The following HTR1F variants were observed in gnomAD, a reference collection of about 807,000 sequenced individuals.
The protein encoded by HTR1F is 5-hydroxytryptamine receptor 1F.
In HTR1F, 17 loss-of-function variants were observed where a neutral mutation model predicts 24.0. The ratio of observed to expected loss-of-function variants is 0.71; its 90% CI spans 0.48 to 1.06. The LOEUF (loss-of-function observed/expected upper bound fraction) is 1.06. Ranked by LOEUF, HTR1F falls within the 50% of genes least tolerant of loss-of-function variation. HTR1F has a pLI of 0.00. For missense variants in HTR1F, 391 were observed against 427.8 expected, an observed-to-expected ratio of 0.91 and a Z score of 0.76; for synonymous variants, 186 against 156.8, an observed-to-expected ratio of 1.19 and a Z score of -1.39.
chr3:87,988,296 G>T (rs755090597), intron 2 of HTR1F, among the ~76,000 whole-genome samples: 8 of 146,904 alleles, frequency 5.4e-5, no homozygotes, highest in African/African-American at 2.0e-4. Context: ...TTTATAACTG[G>T]CTAAATGTTG....
At chr3:87,935,553 A>G (rs550720071) in intron 2 of HTR1F, among the ~76,000 whole-genome samples, 1 of 152,334 alleles carries the variant, frequency 6.6e-6, no homozygotes, top group Non-Finnish European at 1.5e-5. Context: ...CACTCAGCTG[A>G]AAGACCTACC....
chr3:87,947,759 G>A (rs1239331956), intron 2 of HTR1F, among the ~76,000 whole-genome samples: 1 of 149,458 alleles, frequency 6.7e-6, no homozygotes, highest in East Asian at 2.0e-4. Flanking sequence ...TTGACACAAA[G>A]TAACTGCTCA....
At chr3:87,816,354 A>C (rs1350544899) in intron 1 of HTR1F, among the ~76,000 whole-genome samples, 4 of 151,854 alleles carry the variant, frequency 2.6e-5, no homozygotes, top group Non-Finnish European at 4.4e-5. Flanking sequence ...GTTTTATAGG[A>C]TTTGTTAGTT....
chr3:87,815,612 A>G (rs1704236112), intron 1 of HTR1F, among the ~76,000 whole-genome samples: 1 of 152,146 alleles, frequency 6.6e-6, no homozygotes, highest in Non-Finnish European at 1.5e-5. Context: ...CTAAGGTTAT[A>G]CAATTTATCA....
intron 2 of HTR1F, among the ~76,000 whole-genome samples, chr3:87,850,988 A>G (rs1460486581): frequency 6.6e-6 from 1 of 151,670 alleles, no homozygotes; most frequent in African/African-American, 2.4e-5. Flanking sequence ...AATTGTTATT[A>G]TTTGGTTGTT....
At chr3:87,918,845 A>G (rs925582239) in intron 2 of HTR1F, among the ~76,000 whole-genome samples, 6 of 152,022 alleles carry the variant, frequency 3.9e-5, no homozygotes, top group African/African-American at 1.4e-4. Flanking sequence ...GAATACCACC[A>G]TCATTCTTCA....
At chr3:87,826,594 C>A in intron 2 of HTR1F, among the ~76,000 whole-genome samples, 1 of 152,276 alleles carries the variant, frequency 6.6e-6, no homozygotes, top group South Asian at 2.1e-4. Context: ...CATTGCCAAC[C>A]TTTGCTTCAT....
intron 1 of HTR1F, among the ~76,000 whole-genome samples, chr3:87,801,043 A>G (rs971073410): frequency 1.3e-5 from 2 of 152,196 alleles, no homozygotes; most frequent in African/African-American, 4.8e-5. Context: ...TGACATTACT[A>G]TAGTTATTTC....
chr3:87,826,545 G>A (rs149903988), intron 2 of HTR1F, among the ~76,000 whole-genome samples: 48 of 152,040 alleles, frequency 3.2e-4, no homozygotes, highest in South Asian at 1.5e-3. Context: ...TATACATCCC[G>A]TAAACGCCCA....
chr3:87,920,691 A>G (rs1341358814), intron 2 of HTR1F, among the ~76,000 whole-genome samples: 1 of 151,932 alleles, frequency 6.6e-6, no homozygotes, highest in African/African-American at 2.4e-5. Context: ...CATGGACACA[A>G]CAAGAGTAAG....
At chr3:87,808,270 G>A (rs1287212924) in intron 1 of HTR1F, among the ~76,000 whole-genome samples, 1 of 151,626 alleles carries the variant, frequency 6.6e-6, no homozygotes, top group Non-Finnish European at 1.5e-5. Flanking sequence ...TTGGGAGACT[G>A]TTTATTACTT....
In HTR1F at chr3:87,912,593, TA is replaced by T. The variant is rs33961897; in HGVS notation, c.-42-78102del. On this transcript the variant is annotated intron_variant, in intron 2 of 2. Transcript: ENST00000319595. ...AACTATTAAAAGTTCGTATAAAGTT[TA>T]AAAAAAAAAAAAGTCTGAATAGCCC... Among the ~76,000 whole-genome samples, 125 of 91,588 alleles carry T rather than the reference TA, an allele frequency of 1.4e-3. 1 individual carries two copies. Among genetic ancestry groups the T allele is most frequent in the East Asian group, 2.1e-3 (6 of 2,912 alleles). 60.1% of individuals were successfully genotyped at this position (91,588 alleles called of 152,430 possible). A position where few individuals can be genotyped will look rare whatever the true frequency, so the allele number is the denominator to read the frequency against.
intron 2 of HTR1F, among the ~76,000 whole-genome samples, chr3:87,833,187 G>A (rs1490425744): frequency 6.6e-6 from 1 of 151,988 alleles, no homozygotes; most frequent in Non-Finnish European, 1.5e-5. Context: ...GGCAGACTCT[G>A]CTTCCTTTGG....
intron 2 of HTR1F, among the ~76,000 whole-genome samples, chr3:87,876,070 A>C (rs2107268393): frequency 6.6e-6 from 1 of 152,312 alleles, no homozygotes; most frequent in East Asian, 1.9e-4. Flanking sequence ...CTTCACATTT[A>C]TACGTCCACT....
At chr3:87,950,929 C>G (rs1302050038) in intron 2 of HTR1F, among the ~76,000 whole-genome samples, 1 of 152,142 alleles carries the variant, frequency 6.6e-6, no homozygotes, top group Non-Finnish European at 1.5e-5. Flanking sequence ...TCCTTGGAAA[C>G]AAGTTCTTAT....
Position 87,939,030 on chromosome 3 carries a change from A to T in HTR1F, c.-42-51678A>T, listed in dbSNP as rs563343953. Among the ~76,000 whole-genome samples the T allele has an allele frequency of 2.6e-5, 4 of 152,340 alleles. No homozygotes were observed. In the South Asian group the frequency reaches 6.2e-4, roughly 24 times the overall value. On this transcript the variant is annotated intron_variant, in intron 2 of 2. Transcript: ENST00000319595. ...AAAATATTTGCAAACTATGCATCTG[A>T]CAAAGATCTAATATCCAGCATCCAT...
chr3:87,809,968 T>TA (rs1404554667), intron 1 of HTR1F, among the ~76,000 whole-genome samples: 44 of 152,100 alleles, frequency 2.9e-4, no homozygotes, highest in African/African-American at 1.1e-3. Context: ...GTTATTTTTT[T>TA]TCCTTTCAGT....
chr3:87,945,438 A>G (rs758127279), intron 2 of HTR1F, among the ~76,000 whole-genome samples: 2 of 152,212 alleles, frequency 1.3e-5, no homozygotes, highest in African/African-American at 2.4e-5. Context: ...TACACTTTCA[A>G]GAAAGTCGTG....
chr3:87,940,358 A>G (rs1048471549), intron 2 of HTR1F, among the ~76,000 whole-genome samples: 5 of 152,242 alleles, frequency 3.3e-5, no homozygotes, highest in African/African-American at 1.2e-4. Context: ...CACAAATAAT[A>G]GACAAACAGG....
Sources: allele counts gnomAD v4.1 joint callset (sites outside exome capture counted in the v4.1 genomes callset), GRCh38; gene constraint gnomAD v4.1.1; transcripts MANE v1.5; gene names NCBI Gene and HGNC (gene_info 2026-07-23, HGNC 2026-07-21).